TUBGCP4: variants seen among roughly 807,000 people sequenced by gnomAD.
TUBGCP4 encodes tubulin gamma complex component 4.
In TUBGCP4, 54 loss-of-function variants were observed where a neutral mutation model predicts 91.6. The ratio of observed to expected loss-of-function variants is 0.59; its 90% CI spans 0.47 to 0.74. TUBGCP4 has a LOEUF of 0.74. Ranked by LOEUF, TUBGCP4 falls within the 30% of genes least tolerant of loss-of-function variation. The probability of loss-of-function intolerance (pLI) is 0.00; values close to 1 mark genes in which losing one functional copy is unlikely to be tolerated. For missense variants in TUBGCP4, 593 were observed against 800.9 expected, an observed-to-expected ratio of 0.74 and a Z score of 3.13; for synonymous variants, 297 against 302.8, an observed-to-expected ratio of 0.98 and a Z score of 0.20.
intron 9 of TUBGCP4, among the ~76,000 whole-genome samples, chr15:43,387,930 A>G (rs1418982698): frequency 1.3e-5 from 2 of 149,406 alleles, no homozygotes; most frequent in Non-Finnish European, 3.0e-5. Flanking sequence ...CTCACTACAA[A>G]CTCCGCCTCC....
At chr15:43,392,581 C>G (rs954999629) in intron 9 of TUBGCP4, among the ~76,000 whole-genome samples, 6 of 152,122 alleles carry the variant, frequency 3.9e-5, no homozygotes, top group Admixed American at 6.5e-5. Flanking sequence ...TCACTGCAAC[C>G]TCTGCCTCCC....
Position 43,407,308 on chromosome 15 carries a change from C to T in TUBGCP4, c.*2094C>T. 7.6e-7 allele frequency: 1 copy of T among 1,320,456 alleles called. No individual in the cohort carries two copies. The highest frequency in any genetic ancestry group is 1.1e-6 in the Non-Finnish European group (1 of 931,102). 81.8% of individuals were successfully genotyped at this position (1,320,456 alleles called of 1,614,324 possible). ...TCCATGCAAGGAATCCAGTTACACA[C>T]AAGACACATTTAAAACCTGGTTAAA... On this transcript the variant is annotated 3_prime_UTR_variant, in exon 18 of 18. Transcript: ENST00000564079.
Position 43,383,366 on chromosome 15 carries a change from CCTCTTGGACCAG to C in TUBGCP4, c.587_598del (p.Leu196_Gln199del). 1 of 1,614,174 alleles carries C rather than the reference CCTCTTGGACCAG, an allele frequency of 6.2e-7. No individual in the cohort carries two copies. Among genetic ancestry groups the C allele is most frequent in the East Asian group, 2.2e-5 (1 of 44,878 alleles). On this transcript the variant is annotated inframe_deletion, in exon 7 of 18. Transcript: ENST00000564079. ...TCTCAGCCTGGATGCTCCATGGACT[CCTCTTGGACCAG>C]CATGAAGAATTCTTTATCAAACAGG...
Position 43,409,656 on chromosome 15 carries a change from A to T in TUBGCP4, c.*4442A>T. The T allele has an allele frequency of 1.3e-6, 2 of 1,540,800 alleles. No homozygotes were observed. Among genetic ancestry groups the T allele is most frequent in the Non-Finnish European group, 1.8e-6 (2 of 1,141,944 alleles). On this transcript the variant is annotated 3_prime_UTR_variant, in exon 18 of 18. Transcript: ENST00000564079. Reference sequence around the variant, plus strand: ...CAAAGAAACTCCTCACCTGGGCTTCATTGAAATCTTCAAGGATATAGCCAG... The same window carrying T: ...CAAAGAAACTCCTCACCTGGGCTTCTTTGAAATCTTCAAGGATATAGCCAG...
Position 43,383,421 on chromosome 15 carries a change from G to A in TUBGCP4, c.640G>A (p.Val214Ile). 3 of 1,614,140 alleles carry A rather than the reference G, an allele frequency of 1.9e-6. No individual in the cohort carries two copies. Among genetic ancestry groups the A allele is most frequent in the Non-Finnish European group, 2.5e-6 (3 of 1,180,012 alleles). ...FIKQGPSSGN[V>I]SAQPEEDEED... Reference sequence around the variant, plus strand: ...CAAACAGGGGCCATCTTCTGGTAATGTCAGTGCCCAGCCAGAAGAGGACGA... The same window carrying A: ...CAAACAGGGGCCATCTTCTGGTAATATCAGTGCCCAGCCAGAAGAGGACGA... The change falls in exon 7 of 18, where the codon GTC (valine) becomes ATC (isoleucine). Residue 214 changes from valine (V) to isoleucine (I), a missense_variant. Val to Ile is a conservative substitution (Grantham distance 29, BLOSUM62 3). Coordinates refer to ENST00000564079, the MANE Select transcript of TUBGCP4 (RefSeq NM_014444.5).
At chr15:43,394,794 C>T (rs1006512317) in intron 9 of TUBGCP4, 14 of 374,924 alleles carry the variant, frequency 3.7e-5, no homozygotes, top group Admixed American at 1.2e-4. Context: ...CCATGTGAGA[C>T]GCCTTTGCCT....
intron 5 of TUBGCP4, among the ~76,000 whole-genome samples, chr15:43,379,157 A>G (rs7163288): frequency 0.46 from 69,272 of 152,106 alleles, 20,145 homozygotes; most frequent in African/African-American, 0.83. Flanking sequence ...AGGTGGTCAA[A>G]ATTCTAGGTT....
chr15:43,382,066 A>C (rs1274485163), intron 6 of TUBGCP4, among the ~76,000 whole-genome samples: 1 of 151,954 alleles, frequency 6.6e-6, no homozygotes, highest in Admixed American at 6.6e-5. Flanking sequence ...AATACAAAAA[A>C]AGTAGGCATG....
Position 43,386,273 on chromosome 15 carries a change from C to G in TUBGCP4, c.957C>G (p.Leu319=), listed in dbSNP as rs2044357518. The G allele has an allele frequency of 6.3e-7, 1 of 1,595,796 alleles. No individual in the cohort carries two copies. Among genetic ancestry groups the G allele is most frequent in the Non-Finnish European group, 8.5e-7 (1 of 1,173,136 alleles). ...AELHRLKQQP[L]FSLVDFEQVV... ...TGCACCGTCTCAAGCAGCAGCCACT[C>G]TTCAGCTTGGTGGACTTTGAACAGG... The change falls in exon 9 of 18, where the codon CTC becomes CTG. Residue 319 remains leucine (L), a synonymous_variant. Coordinates refer to ENST00000564079, the MANE Select transcript of TUBGCP4 (RefSeq NM_014444.5).
chr15:43,384,672 A>C (rs1314183629), intron 7 of TUBGCP4, among the ~76,000 whole-genome samples: 1 of 152,232 alleles, frequency 6.6e-6, no homozygotes, highest in East Asian at 1.9e-4. Context: ...AAGCAGAGGC[A>C]AGATCACAAA....
At chr15:43,405,119 C>T in intron 17 of TUBGCP4, 83 bp from the exon 18 acceptor site, 1 of 1,488,590 alleles carries the variant, frequency 6.7e-7, no homozygotes, top group Non-Finnish European at 9.3e-7. Flanking sequence ...TTATTTAGAT[C>T]ACAGGTTATC....
chr15:43,399,322 C>A, intron 13 of TUBGCP4: 1 of 267,204 alleles, frequency 3.7e-6, no homozygotes, highest in East Asian at 9.3e-5. Flanking sequence ...TACTTTCTTT[C>A]GGCTCTCAGC....
chr15:43,381,816 C>T (rs1193880681), intron 6 of TUBGCP4, among the ~76,000 whole-genome samples: 1 of 152,176 alleles, frequency 6.6e-6, no homozygotes, highest in East Asian at 1.9e-4. Flanking sequence ...TTTGATTTCT[C>T]TTTTTCTCCT....
intron 5 of TUBGCP4, among the ~76,000 whole-genome samples, chr15:43,379,491 A>G (rs1425817541): frequency 6.6e-6 from 1 of 152,068 alleles, no homozygotes; most frequent in African/African-American, 2.4e-5. Context: ...AATACAAAAA[A>G]AATTAGCCAG....
At chr15:43,387,741 T>C (rs1015400171) in intron 9 of TUBGCP4, among the ~76,000 whole-genome samples, 2 of 152,052 alleles carry the variant, frequency 1.3e-5, no homozygotes, top group Non-Finnish European at 2.9e-5. Context: ...GGATTATAGA[T>C]GTGAGCCACT....
chr15:43,373,212 AAATC>A (rs1378194383), intron 1 of TUBGCP4, among the ~76,000 whole-genome samples: 2 of 152,254 alleles, frequency 1.3e-5, no homozygotes, highest in African/African-American at 4.8e-5. Flanking sequence ...CAAAACTACC[AAATC>A]AATAAGTTCA....
intron 12 of TUBGCP4, among the ~76,000 whole-genome samples, chr15:43,397,613 A>G (rs2044603597): frequency 6.6e-6 from 1 of 152,090 alleles, no homozygotes; most frequent in Non-Finnish European, 1.5e-5. Flanking sequence ...TGAGGAAAGA[A>G]TCTCTAGAAG....
chr15:43,407,196 CAG>C lies in TUBGCP4; in HGVS notation c.*1984_*1985del, dbSNP rs2044929735. Reference sequence around the variant, plus strand: ...TGTTCTGAGATTAAGCTCAAAAAAACAGATGAAGAAATCCCAGTTACTACAAC... The same window carrying C: ...TGTTCTGAGATTAAGCTCAAAAAAACATGAAGAAATCCCAGTTACTACAAC... On this transcript the variant is annotated 3_prime_UTR_variant, in exon 18 of 18. Coordinates refer to ENST00000564079, the MANE Select transcript of TUBGCP4 (RefSeq NM_014444.5). 1.7e-6 allele frequency: 1 copy of C among 580,230 alleles called. No homozygotes were observed. Among genetic ancestry groups the C allele is most frequent in the African/African-American group, 1.9e-5 (1 of 53,520 alleles). The allele number at this position is 580,230 out of a possible 1,614,324, so 35.9% of individuals were successfully genotyped here.
chr15:43,399,988 G>A (rs2044642998), intron 13 of TUBGCP4, 56 bp from the exon 14 acceptor site: 1 of 1,455,030 alleles, frequency 6.9e-7, no homozygotes, highest in African/African-American at 1.4e-5. Context: ...CTGTCGTGTG[G>A]GGGAAGTGCA....
Sources: allele counts gnomAD v4.1 joint callset (sites outside exome capture counted in the v4.1 genomes callset), GRCh38; gene constraint gnomAD v4.1.1; transcripts MANE v1.5; gene names NCBI Gene and HGNC (gene_info 2026-07-23, HGNC 2026-07-21).